MDGA2: variants seen among roughly 807,000 people sequenced by gnomAD.
The protein encoded by MDGA2 is MAM domain-containing glycosylphosphatidylinositol anchor protein 2.
In MDGA2, 40 loss-of-function variants were observed where a neutral mutation model predicts 117.8. The ratio of observed to expected loss-of-function variants is 0.34; its 90% CI spans 0.26 to 0.44. The LOEUF is 0.44. Among genes scored for constraint, MDGA2 ranks in the 20% least tolerant of loss-of-function variants. The pLI, the probability that MDGA2 is intolerant of heterozygous loss-of-function variation, is 1.00. For missense variants in MDGA2, 1,123 were observed against 1,250.6 expected (o/e 0.90, Z 1.54); for synonymous variants, 452 against 439.0 (o/e 1.03, Z -0.37).
At chr14:47,299,750 T>C (rs1431109425) in intron 2 of MDGA2, among the ~76,000 whole-genome samples, 2 of 152,174 alleles carry the variant, frequency 1.3e-5, no homozygotes. Flanking sequence ...CAGTCTGTCC[T>C]TGTATGTTGT....
At chr14:46,916,403 C>A (rs1883899241) in intron 10 of MDGA2, among the ~76,000 whole-genome samples, 1 of 151,434 alleles carries the variant, frequency 6.6e-6, no homozygotes, top group African/African-American at 2.4e-5. Context: ...GTAATGTTTG[C>A]AATAAATTCC....
chr14:47,588,353 C>T (rs537502795), intron 1 of MDGA2, among the ~76,000 whole-genome samples: 2 of 149,898 alleles, frequency 1.3e-5, no homozygotes, highest in South Asian at 2.1e-4. Context: ...CCAAAATGGC[C>T]AAAACATTTT....
intron 3 of MDGA2, among the ~76,000 whole-genome samples, chr14:47,170,346 A>T (rs1301109249): frequency 6.6e-6 from 1 of 152,208 alleles, no homozygotes; most frequent in African/African-American, 2.4e-5. Flanking sequence ...ATAAATCATA[A>T]TAACAAATAA....
chr14:47,543,932 G>A (rs1247326836), intron 1 of MDGA2, among the ~76,000 whole-genome samples: 1 of 152,146 alleles, frequency 6.6e-6, no homozygotes, highest in East Asian at 1.9e-4. Flanking sequence ...TTGAGAACAT[G>A]TATTGCAAAA....
At chr14:47,446,127 C>A (rs1410847082) in intron 1 of MDGA2, among the ~76,000 whole-genome samples, 1 of 152,078 alleles carries the variant, frequency 6.6e-6, no homozygotes, top group East Asian at 1.9e-4. Flanking sequence ...AAATTAAGAA[C>A]TTCTATCAGA....
At chr14:47,194,233 G>A (rs1049626103) in intron 3 of MDGA2, among the ~76,000 whole-genome samples, 1 of 152,120 alleles carries the variant, frequency 6.6e-6, no homozygotes, top group Admixed American at 6.6e-5. Flanking sequence ...AACAGATTCA[G>A]AAGGTTCAGG....
At position 47,325,556 on chromosome 14, in the gene MDGA2, C is replaced by T. The variant is rs561230075; in HGVS notation, c.281-24006G>A. Among the ~76,000 whole-genome samples the T allele has an allele frequency of 6.6e-5, 10 of 152,194 alleles. No homozygotes were observed. The East Asian group carries it at 1.7e-3, about 26-fold the overall frequency. On this transcript the variant is annotated intron_variant, in intron 1 of 16. Coordinates refer to ENST00000399232, the MANE Select transcript of MDGA2 (RefSeq NM_001113498.3). Reference sequence around the variant, plus strand: ...TTTGAAAAGTACTATAATAGATCATCACTTAATATGACACGAGGACATGAG... The same window carrying T: ...TTTGAAAAGTACTATAATAGATCATTACTTAATATGACACGAGGACATGAG...
intron 1 of MDGA2, among the ~76,000 whole-genome samples, chr14:47,546,704 T>C (rs1895469599): frequency 6.6e-6 from 1 of 152,152 alleles, no homozygotes; most frequent in African/African-American, 2.4e-5. Context: ...GATCTGGCCA[T>C]CAAAGAAGGG....
chr14:47,597,736 G>A (rs969677885), intron 1 of MDGA2, among the ~76,000 whole-genome samples: 5 of 151,846 alleles, frequency 3.3e-5, no homozygotes, highest in Admixed American at 2.6e-4. Context: ...TTTAGTAGTT[G>A]CTACTATGGC....
intron 1 of MDGA2, among the ~76,000 whole-genome samples, chr14:47,396,206 T>C (rs936449549): frequency 6.6e-6 from 1 of 152,190 alleles, no homozygotes; most frequent in Non-Finnish European, 1.5e-5. Context: ...TTCTACCTTA[T>C]GTAATGCAGA....
intron 8 of MDGA2, among the ~76,000 whole-genome samples, chr14:47,020,586 G>C (rs1016311524): frequency 8.2e-5 from 11 of 134,130 alleles, no homozygotes; most frequent in African/African-American, 2.3e-4. Flanking sequence ...GAGGAAGAGA[G>C]GAAAGAGAGA....
intron 1 of MDGA2, among the ~76,000 whole-genome samples, chr14:47,331,513 A>T (rs1055630892): frequency 4.0e-5 from 6 of 150,268 alleles, no homozygotes; most frequent in Admixed American, 6.6e-5. Context: ...TCCTTTCACA[A>T]TGCTTCTGTT....
At chr14:47,124,661 T>C (rs1217947240) in intron 5 of MDGA2, among the ~76,000 whole-genome samples, 2 of 152,080 alleles carry the variant, frequency 1.3e-5, no homozygotes, top group Non-Finnish European at 2.9e-5. Context: ...GAGATAGGGC[T>C]TTTACAGAGA....
intron 7 of MDGA2, among the ~76,000 whole-genome samples, chr14:47,049,730 C>T (rs17643237): frequency 0.2 from 30,109 of 151,808 alleles, 3,032 homozygotes; most frequent in Admixed American, 0.29. Flanking sequence ...CTTTCATATT[C>T]TGCATAGAAT....
At chr14:47,669,583 A>C (rs1248304321) in intron 1 of MDGA2, among the ~76,000 whole-genome samples, 1 of 152,178 alleles carries the variant, frequency 6.6e-6, no homozygotes, top group Non-Finnish European at 1.5e-5. Flanking sequence ...GAATGGGCAA[A>C]AATGATCCCA....
chr14:47,261,938 G>A (rs1399045803), intron 2 of MDGA2, among the ~76,000 whole-genome samples: 1 of 152,092 alleles, frequency 6.6e-6, no homozygotes, highest in Non-Finnish European at 1.5e-5. Flanking sequence ...TAGTTATAAA[G>A]AAAGCAACAC....
chr14:46,913,242 G>A (rs950053426), intron 10 of MDGA2, among the ~76,000 whole-genome samples: 5 of 152,096 alleles, frequency 3.3e-5, no homozygotes, highest in East Asian at 3.9e-4. Context: ...GTGCCTAACT[G>A]TTGTACCTGT....
chr14:47,009,890 C>G (rs375021631), intron 8 of MDGA2, among the ~76,000 whole-genome samples: 2 of 152,010 alleles, frequency 1.3e-5, no homozygotes, highest in Non-Finnish European at 2.9e-5. Context: ...ATCAGCCTAT[C>G]TCTGTCATCC....
chr14:47,144,300 G>A, intron 3 of MDGA2, 26 bp from the exon 4 acceptor site: 2 of 1,517,250 alleles, frequency 1.3e-6, no homozygotes, highest in South Asian at 1.2e-5. Flanking sequence ...ACAACCAAAT[G>A]GCAATGTTAT....
Sources: gnomAD v4.1 joint callset for allele counts (sites outside exome capture counted in the v4.1 genomes callset) on GRCh38, gnomAD v4.1.1 for gene constraint, MANE v1.5 for transcripts, NCBI Gene and HGNC (gene_info 2026-07-23, HGNC 2026-07-21) for gene names.